NBAS: variants seen among roughly 807,000 people sequenced by gnomAD.
The protein encoded by NBAS is NBAS subunit of NRZ tethering complex, also known as NAG/BC035112 fusion.
NBAS carries 219 observed loss-of-function variants against 302.5 expected under a neutral mutation model. That is an observed-to-expected ratio of 0.72 (90% CI 0.65 to 0.81). The LOEUF (loss-of-function observed/expected upper bound fraction) is 0.81, where lower values mean the gene tolerates loss of function less well. Ranked by LOEUF, NBAS falls within the 30% of genes least tolerant of loss-of-function variation. NBAS has a pLI of 0.00. For synonymous variants in NBAS, 1,118 were observed against 1,021.6 expected, an observed-to-expected ratio of 1.09 and a Z score of -1.80; for missense variants, 2,932 against 2,841.6, an observed-to-expected ratio of 1.03 and a Z score of -0.72.
At chr2:15,075,475 G>C in the NBAS span, among the ~76,000 whole-genome samples, 1 of 152,150 alleles carries the variant, frequency 6.6e-6, no homozygotes, top group Non-Finnish European at 1.5e-5. Flanking sequence ...TCTCATGCTG[G>C]CTGTGTGCCC....
chr2:15,105,249 G>T, the NBAS span, among the ~76,000 whole-genome samples: 1 of 151,982 alleles, frequency 6.6e-6, no homozygotes. Flanking sequence ...CAAACACCGG[G>T]GCCTGTCAGG....
the NBAS span, among the ~76,000 whole-genome samples, chr2:15,142,372 A>C: frequency 6.6e-6 from 1 of 152,192 alleles, no homozygotes. Flanking sequence ...ATCCGGGAGG[A>C]GGCATGTGCA....
At chr2:15,436,122 T>C (rs1032020726) in intron 21 of NBAS, among the ~76,000 whole-genome samples, 1 of 152,164 alleles carries the variant, frequency 6.6e-6, no homozygotes, top group Non-Finnish European at 1.5e-5. Flanking sequence ...ACTCTCTTAA[T>C]TCTAAAATCA....
chr2:15,455,058 A>G (rs1457156263), intron 21 of NBAS, among the ~76,000 whole-genome samples: 1 of 152,034 alleles, frequency 6.6e-6, no homozygotes, highest in East Asian at 1.9e-4. Flanking sequence ...GTGTGCCACC[A>G]TGCCCGGCTA....
Position 15,558,596 on chromosome 2 carries a change from G to A in NBAS, c.156C>T (p.Ile52=). Reference sequence around the variant, plus strand: ...TATATTTACCTCGAATTGCTTTCGTGATGATAAAGGATGCACCATGTTTTT... The same window carrying A: ...TATATTTACCTCGAATTGCTTTCGTAATGATAAAGGATGCACCATGTTTTT... ...GNQKHGASFI[I]TKAIRDRLLF... The change falls in exon 2 of 52, where the codon ATC becomes ATT. Residue 52 remains isoleucine (I), a synonymous_variant. Coordinates refer to ENST00000281513, the MANE Select transcript of NBAS (RefSeq NM_015909.4). 1 of 1,612,882 alleles carries A rather than the reference G, an allele frequency of 6.2e-7. No individual in the cohort carries two copies. The highest frequency in any genetic ancestry group is 8.5e-7 in the Non-Finnish European group (1 of 1,179,388).
chr2:15,391,864 T>C (rs1401410704), intron 28 of NBAS, among the ~76,000 whole-genome samples: 2 of 150,988 alleles, frequency 1.3e-5, no homozygotes, highest in Non-Finnish European at 2.9e-5. Context: ...GAGCAATTTC[T>C]GTACCGTAGC....
chr2:15,247,438 T>C lies in NBAS; in HGVS notation c.5725-8752A>G, dbSNP rs1033623817. Reference sequence around the variant, plus strand: ...AATGCCCCAATTAAATGACACAGACTGGCAAATTGGATGAAAGTCAAGAGC... The same window carrying C: ...AATGCCCCAATTAAATGACACAGACCGGCAAATTGGATGAAAGTCAAGAGC... On this transcript the variant is annotated intron_variant, in intron 44 of 51. Transcript: ENST00000281513. Among the ~76,000 whole-genome samples, 7 of 152,214 alleles carry C rather than the reference T, an allele frequency of 4.6e-5. No individual in the cohort carries two copies. In the East Asian group the frequency reaches 9.7e-4, roughly 21 times the overall value.
intron 2 of NBAS, among the ~76,000 whole-genome samples, chr2:15,557,030 G>C (rs1664677747): frequency 6.6e-6 from 1 of 151,996 alleles, no homozygotes; most frequent in Admixed American, 6.5e-5. Context: ...CCATGTTTGT[G>C]TGTTATTCAA....
the NBAS span, among the ~76,000 whole-genome samples, chr2:15,096,375 C>A: frequency 6.6e-6 from 1 of 152,204 alleles, no homozygotes; most frequent in Admixed American, 6.5e-5. Flanking sequence ...CAAGACCCAG[C>A]CTCTCTGGGG....
the NBAS span, among the ~76,000 whole-genome samples, chr2:14,922,048 T>C: frequency 6.6e-6 from 1 of 152,150 alleles, no homozygotes; most frequent in African/African-American, 2.4e-5. Flanking sequence ...CCTATAATAA[T>C]GCAGCTGCTA....
chr2:15,304,844 T>C (rs1346227601), intron 40 of NBAS, among the ~76,000 whole-genome samples: 1 of 152,166 alleles, frequency 6.6e-6, no homozygotes, highest in Non-Finnish European at 1.5e-5. Context: ...TTAAAAGCAA[T>C]CAGTTTTATG....
the NBAS span, among the ~76,000 whole-genome samples, chr2:15,081,734 T>C: frequency 6.6e-6 from 1 of 152,218 alleles, no homozygotes; most frequent in Non-Finnish European, 1.5e-5. Flanking sequence ...GCCTGTAAGA[T>C]GACTGCCCTT....
chr2:15,188,736 T>C (rs1242306999), intron 49 of NBAS, among the ~76,000 whole-genome samples: 2 of 152,214 alleles, frequency 1.3e-5, no homozygotes, highest in Non-Finnish European at 2.9e-5. Flanking sequence ...AAAGCTGATT[T>C]TGGTTCTTGA....
intron 40 of NBAS, among the ~76,000 whole-genome samples, chr2:15,298,821 C>G (rs1233594817): frequency 3.9e-5 from 6 of 152,128 alleles, no homozygotes. Context: ...TCCTATCAAG[C>G]TGGGGATGTG....
chr2:14,963,804 A>G, the NBAS span, among the ~76,000 whole-genome samples: 123 of 152,262 alleles, frequency 8.1e-4, no homozygotes, highest in African/African-American at 2.8e-3. Flanking sequence ...CCCCTTGATG[A>G]TTTTGCTTTG....
intron 43 of NBAS, 79 bp from the exon 44 acceptor site, chr2:15,275,897 GCCCT>G: frequency 1.6e-6 from 2 of 1,223,010 alleles, no homozygotes; most frequent in Non-Finnish European, 2.4e-6. Context: ...CACACACATA[GCCCT>G]CTATATGTCT....
At chr2:15,464,384 C>T (rs1223046248) in intron 19 of NBAS, among the ~76,000 whole-genome samples, 3 of 152,072 alleles carry the variant, frequency 2.0e-5, no homozygotes, top group African/African-American at 4.8e-5. Context: ...TACACACCTA[C>T]CTGCATCTGT....
the NBAS span, among the ~76,000 whole-genome samples, chr2:14,875,929 A>C: frequency 7.2e-5 from 11 of 152,206 alleles, no homozygotes; most frequent in Non-Finnish European, 1.3e-4. Context: ...CCTAGCAAAA[A>C]TACTGCATCA....
chr2:15,101,433 G>C, the NBAS span, among the ~76,000 whole-genome samples: 143,692 of 152,076 alleles, frequency 0.94, 67,957 homozygotes, highest in East Asian at 0.98. Flanking sequence ...GTTATGTATA[G>C]ACTTATATTT....
Sources: gnomAD v4.1 joint callset for allele counts (sites outside exome capture counted in the v4.1 genomes callset) on GRCh38, gnomAD v4.1.1 for gene constraint, MANE v1.5 for transcripts, NCBI Gene and HGNC (gene_info 2026-07-23, HGNC 2026-07-21) for gene names.